The following HSPA12A variants were observed in gnomAD, a reference collection of about 807,000 sequenced individuals.
HSPA12A encodes the protein heat shock protein family A (Hsp70) member 12A.
HSPA12A carries 28 observed loss-of-function variants against 69.2 expected under a neutral mutation model. The observed-to-expected ratio is 0.40, with a 90% CI of 0.30 to 0.55. HSPA12A has a LOEUF of 0.55. Ranked by LOEUF, HSPA12A falls within the 20% of genes least tolerant of loss-of-function variation. The pLI, the probability that HSPA12A is intolerant of heterozygous loss-of-function variation, is 0.38. For missense variants in HSPA12A, 686 were observed against 900.7 expected, an observed-to-expected ratio of 0.76 and a Z score of 3.05; for synonymous variants, 345 against 370.5, an observed-to-expected ratio of 0.93 and a Z score of 0.79.
chr10:116,695,993 A>C (rs1589636530), intron 5 of HSPA12A, among the ~76,000 whole-genome samples: 1 of 117,744 alleles, frequency 8.5e-6, no homozygotes. Context: ...ACAGAGAGAG[A>C]CTCCATCTCA....
intron 7 of HSPA12A, among the ~76,000 whole-genome samples, chr10:116,683,085 G>A (rs902635853): frequency 1.3e-5 from 2 of 151,518 alleles, no homozygotes; most frequent in Non-Finnish European, 2.9e-5. Context: ...AGTGCCCGGC[G>A]CCACCCCCAT....
rs1554877247 is a variant in HSPA12A, at chr10:116,674,641, AGC to A, written c.*138_*139del. Reference sequence around the variant, plus strand: ...CCCTCAAAAGTCACTAATTATTTCTAGCCCTGATTGTTCTCATCTTCCCTGCT... The same window carrying A: ...CCCTCAAAAGTCACTAATTATTTCTACCTGATTGTTCTCATCTTCCCTGCT... On this transcript the variant is annotated 3_prime_UTR_variant, in exon 12 of 12. Transcript: ENST00000369209. 1.2e-6 allele frequency: 1 copy of A among 804,000 alleles called. No homozygotes were observed. The highest frequency in any genetic ancestry group is 1.9e-6 in the Non-Finnish European group (1 of 515,978). The allele number at this position is 804,000 out of a possible 1,614,324, so 49.8% of individuals were successfully genotyped here. A position where few individuals can be genotyped will look rare whatever the true frequency, so the allele number is the denominator to read the frequency against.
At chr10:116,735,979 G>C (rs1466678995) in intron 1 of HSPA12A, among the ~76,000 whole-genome samples, 1 of 152,206 alleles carries the variant, frequency 6.6e-6, no homozygotes, top group Non-Finnish European at 1.5e-5. Flanking sequence ...CTGGGTCACA[G>C]AGGAAGACCT....
At chr10:116,737,406 G>A (rs371533857) in intron 1 of HSPA12A, among the ~76,000 whole-genome samples, 12 of 152,052 alleles carry the variant, frequency 7.9e-5, no homozygotes, top group Admixed American at 5.9e-4. Flanking sequence ...ATGCAGCAAC[G>A]TTAAACCCAG....
intron 4 of HSPA12A, 21 bp downstream of exon 4, chr10:116,700,922 C>G (rs1156854386): frequency 6.2e-7 from 1 of 1,609,924 alleles, no homozygotes; most frequent in Admixed American, 1.7e-5. Context: ...GGACCTGGGC[C>G]CAGGGGAGAG....
At chr10:116,756,584 C>A (rs1443295755) in intron 2 of HSPA12A, among the ~76,000 whole-genome samples, 1 of 152,240 alleles carries the variant, frequency 6.6e-6, no homozygotes, top group Non-Finnish European at 1.5e-5. Context: ...TCACTCTACC[C>A]CCATAACCCA....
rs55780024 is a variant in HSPA12A at position 116,678,348 on chromosome 10, C to CAAAAAAAAAAAAAAA, written c.1286+1140_1286+1154dup. On this transcript the variant is annotated intron_variant, in intron 10 of 11. Transcript: ENST00000369209. ...ACCTCTAAGTCCATCTGCCAACTTG[C>CAAAAAAAAAAAAAAA]AAAAAAAAAAAAAAAAAAAAAAAAG... is the stretch of plus-strand genomic sequence containing the variant. 3.4e-5 allele frequency among the ~76,000 whole-genome samples: 2 copies of CAAAAAAAAAAAAAAA among 59,394 alleles called. 1 individual carries two copies. The highest frequency in any genetic ancestry group is 1.4e-4 in the African/African-American group (2 of 13,880). 39.0% of individuals were successfully genotyped at this position (59,394 alleles called of 152,430 possible). A position where few individuals can be genotyped will look rare whatever the true frequency, so the allele number is the denominator to read the frequency against.
chr10:116,695,308 G>A (rs1413269810), intron 5 of HSPA12A, among the ~76,000 whole-genome samples: 1 of 152,174 alleles, frequency 6.6e-6, no homozygotes, highest in Non-Finnish European at 1.5e-5. Flanking sequence ...CAGTGCAACT[G>A]TGTTGAGTGG....
chr10:116,751,695 C>T (rs1851779776), intron 2 of HSPA12A, among the ~76,000 whole-genome samples: 1 of 152,184 alleles, frequency 6.6e-6, no homozygotes, highest in Admixed American at 6.5e-5. Flanking sequence ...TTTGTCCCCT[C>T]CAAATCTCAT....
intron 2 of HSPA12A, among the ~76,000 whole-genome samples, chr10:116,765,072 T>C (rs1455781368): frequency 1.3e-5 from 2 of 152,124 alleles, no homozygotes; most frequent in Admixed American, 6.5e-5. Flanking sequence ...GATGCAAACA[T>C]AGAATGGGGA....
At chr10:116,810,303 A>G (rs1845152337) in intron 2 of HSPA12A, among the ~76,000 whole-genome samples, 2 of 152,104 alleles carry the variant, frequency 1.3e-5, no homozygotes, top group Non-Finnish European at 2.9e-5. Flanking sequence ...TTGTTCCCAG[A>G]GACCAGCTCA....
chr10:116,721,822 A>T (rs1850790104), intron 1 of HSPA12A, among the ~76,000 whole-genome samples: 1 of 152,216 alleles, frequency 6.6e-6, no homozygotes, highest in South Asian at 2.1e-4. Context: ...CCCAGCTGCC[A>T]TAATATTCAC....
intron 5 of HSPA12A, among the ~76,000 whole-genome samples, chr10:116,693,251 A>G (rs1324065556): frequency 6.6e-6 from 1 of 152,200 alleles, no homozygotes; most frequent in African/African-American, 2.4e-5. Flanking sequence ...CCTCATCAAG[A>G]ACCATGCGGC....
chr10:116,791,562 A>G (rs551436994), intron 2 of HSPA12A, among the ~76,000 whole-genome samples: 14 of 152,300 alleles, frequency 9.2e-5, no homozygotes, highest in South Asian at 6.2e-4. Flanking sequence ...GCCTAATGCT[A>G]TATCATTATT....
chr10:116,805,613 G>T (rs899542749), intron 2 of HSPA12A, among the ~76,000 whole-genome samples: 11 of 151,940 alleles, frequency 7.2e-5, no homozygotes, highest in Non-Finnish European at 1.6e-4. Flanking sequence ...GTTTGTCCTT[G>T]AAAAAAACAA....
Position 116,675,066 on chromosome 10 carries a change from A to G in HSPA12A, c.1743T>C (p.Gly581=). Residue 581 remains glycine (G), a synonymous_variant, in exon 12 of 12, where the codon GGT becomes GGC. Coordinates refer to ENST00000369209, the MANE Select transcript of HSPA12A (RefSeq NM_025015.3). The surrounding 1 kb of genome is among the most constrained non-coding windows in gnomAD (Gnocchi z 5.2). The part of the protein sequence containing the change: ...FISADQSVAL[G]ELVKRSYTPA... The stretch of plus-strand genomic sequence containing the variant: ...GGGTGTAGCTACGCTTGACCAGCTC[A>G]CCCAGAGCCACAGACTGGTCGGCAG... 6.2e-7 allele frequency: 1 copy of G among 1,613,944 alleles called. No homozygotes were observed. The highest frequency in any genetic ancestry group is 8.5e-7 in the Non-Finnish European group (1 of 1,179,990).
chr10:116,702,934 A>C (rs1554881802), intron 3 of HSPA12A, among the ~76,000 whole-genome samples: 4 of 152,222 alleles, frequency 2.6e-5, no homozygotes, highest in Non-Finnish European at 5.9e-5. Flanking sequence ...GCAAGTTCAA[A>C]GTTATTTCCA....
Position 116,707,197 on chromosome 10 carries a change from T to G in HSPA12A, c.126+3A>C. 6.4e-7 allele frequency: 1 copy of G among 1,563,768 alleles called. No homozygotes were observed. Among genetic ancestry groups the G allele is most frequent in the Non-Finnish European group, 8.8e-7 (1 of 1,142,684 alleles). ...CACACACACACACACACACACTTCT[T>G]ACCACAATATGGGAGGGGGACAGAG... On this transcript the variant is annotated splice_donor_region_variant and intron_variant, in intron 2 of 11. Coordinates refer to ENST00000369209, the MANE Select transcript of HSPA12A (RefSeq NM_025015.3).
At chr10:116,747,980 C>T (rs373378148) in intron 2 of HSPA12A, among the ~76,000 whole-genome samples, 5 of 152,118 alleles carry the variant, frequency 3.3e-5, no homozygotes, top group Admixed American at 6.6e-5. Flanking sequence ...GCCTGGGCAA[C>T]GAGAGCAAAA....
Sources: allele counts gnomAD v4.1 joint callset (sites outside exome capture counted in the v4.1 genomes callset), GRCh38; gene constraint gnomAD v4.1.1; non-coding constraint Gnocchi (gnomAD v3.1); transcripts MANE v1.5; gene names NCBI Gene and HGNC (gene_info 2026-07-23, HGNC 2026-07-21).